The following PITPNC1 variants were observed in gnomAD, a reference collection of about 807,000 sequenced individuals.
PITPNC1 encodes cytoplasmic phosphatidylinositol transfer protein 1.
A neutral mutation model predicts 44.7 loss-of-function variants in PITPNC1; 18 were observed. That is an observed-to-expected ratio of 0.40 (90% CI 0.28 to 0.60). The LOEUF is 0.60. Among genes scored for constraint, PITPNC1 ranks in the 20% least tolerant of loss-of-function variants. PITPNC1 has a pLI of 0.39. For synonymous variants in PITPNC1, 141 were observed against 149.6 expected (o/e 0.94, Z 0.42); for missense variants, 290 against 418.4 (o/e 0.69, Z 2.68).
At chr17:67,431,285 C>T (rs540252891) in intron 1 of PITPNC1, among the ~76,000 whole-genome samples, 1 of 152,036 alleles carries the variant, frequency 6.6e-6, no homozygotes, top group Non-Finnish European at 1.5e-5. Context: ...TCTCAAACTC[C>T]TGACCTTAAG....
intron 1 of PITPNC1, among the ~76,000 whole-genome samples, chr17:67,454,293 G>A (rs1326605606): frequency 6.6e-6 from 1 of 151,700 alleles, no homozygotes; most frequent in Non-Finnish European, 1.5e-5. Context: ...AGGCTCTAGG[G>A]TAAGACTCTG....
At position 67,668,754 on chromosome 17, in the gene PITPNC1, C is replaced by T. The variant is rs541072861; in HGVS notation, c.463-754C>T. On this transcript the variant is annotated intron_variant, in intron 6 of 8. Transcript: ENST00000581322. ...GCGGGCACCTGTAGTCCCAGCTACT[C>T]GGGAGGCTAAGACAGGAGAATGGCG... 3.3e-5 allele frequency among the ~76,000 whole-genome samples: 5 copies of T among 151,706 alleles called. No homozygotes were observed. The East Asian group carries it at 9.7e-4, about 30-fold the overall frequency.
Position 67,616,749 on chromosome 17 carries a change from A to T in PITPNC1, c.367-15394A>T, listed in dbSNP as rs569161319. 2.0e-5 allele frequency among the ~76,000 whole-genome samples: 3 copies of T among 152,192 alleles called. No homozygotes were observed. In the South Asian group the frequency reaches 6.2e-4, roughly 32 times the overall value. On this transcript the variant is annotated intron_variant, in intron 5 of 8. Coordinates refer to ENST00000581322, the MANE Select transcript of PITPNC1 (RefSeq NM_012417.4). ...ACTGTGGATTCCTATCCACTTTGTT[A>T]TCCTTTTTACTCTTAGATCTCTGCC...
intron 1 of PITPNC1, among the ~76,000 whole-genome samples, chr17:67,482,451 A>G (rs771915854): frequency 3.3e-5 from 5 of 152,134 alleles, no homozygotes; most frequent in African/African-American, 1.2e-4. Flanking sequence ...AAATTTTGCA[A>G]ATCTTTTGCC....
chr17:67,386,508 T>C (rs1218953639), intron 1 of PITPNC1, among the ~76,000 whole-genome samples: 1 of 152,186 alleles, frequency 6.6e-6, no homozygotes, highest in Non-Finnish European at 1.5e-5. Context: ...TAAATTAATA[T>C]AGTTTAAACA....
chr17:67,611,594 C>G (rs1369661364), intron 5 of PITPNC1: 1 of 152,386 alleles, frequency 6.6e-6, no homozygotes, highest in Non-Finnish European at 1.5e-5. Context: ...CTGCCTCAGC[C>G]TCCCGAGTAG....
At chr17:67,509,452 G>A (rs1473980910) in intron 1 of PITPNC1, among the ~76,000 whole-genome samples, 3 of 150,746 alleles carry the variant, frequency 2.0e-5, no homozygotes, top group Non-Finnish European at 3.0e-5. Flanking sequence ...CAGAAGAATC[G>A]CTTGAACCCA....
intron 5 of PITPNC1, among the ~76,000 whole-genome samples, chr17:67,581,479 C>T (rs2041233210): frequency 6.6e-6 from 1 of 152,216 alleles, no homozygotes; most frequent in South Asian, 2.1e-4. Context: ...TCATGGCACC[C>T]AACTTGCCCA....
At chr17:67,535,149 A>G (rs554797413) in intron 2 of PITPNC1, among the ~76,000 whole-genome samples, 12 of 152,362 alleles carry the variant, frequency 7.9e-5, no homozygotes, top group Admixed American at 6.5e-4. Context: ...CCATTCATCT[A>G]TTAGTAGCTG....
intron 1 of PITPNC1, among the ~76,000 whole-genome samples, chr17:67,478,963 AG>A (rs1319406473): frequency 4.6e-5 from 7 of 151,812 alleles, no homozygotes; most frequent in Non-Finnish European, 8.8e-5. Context: ...CAGCAACCTC[AG>A]CAGTTGGTAC....
chr17:67,610,179 G>C (rs2041668961), intron 5 of PITPNC1, among the ~76,000 whole-genome samples: 1 of 152,138 alleles, frequency 6.6e-6, no homozygotes, highest in African/African-American at 2.4e-5. Flanking sequence ...GAGCTTGTTA[G>C]GATCTCAGGC....
intron 7 of PITPNC1, among the ~76,000 whole-genome samples, chr17:67,671,579 A>C (rs2042512561): frequency 6.6e-6 from 1 of 152,134 alleles, no homozygotes. Flanking sequence ...GAACCCTCAT[A>C]ACTCAGGCTC....
At position 67,517,295 on chromosome 17, in the gene PITPNC1, G is replaced by A. The variant is rs542857430; in HGVS notation, c.49-15507G>A. On this transcript the variant is annotated intron_variant, in intron 1 of 8. Transcript: ENST00000581322. ...CTTTCTTATTGCTTATGGCTTTCTT[G>A]TTGCTGTACATAACTTAAAACTATC... is the stretch of plus-strand genomic sequence containing the variant. 5.3e-5 allele frequency among the ~76,000 whole-genome samples: 8 copies of A among 152,174 alleles called. No individual in the cohort carries two copies. The East Asian group carries it at 9.6e-4, about 18-fold the overall frequency.
chr17:67,584,939 A>AC (rs1307390445), intron 5 of PITPNC1, among the ~76,000 whole-genome samples: 1 of 151,794 alleles, frequency 6.6e-6, no homozygotes, highest in Non-Finnish European at 1.5e-5. Context: ...ACATAGAGAA[A>AC]CCCCATCTGT....
At chr17:67,584,675 C>T (rs181711970) in intron 5 of PITPNC1, among the ~76,000 whole-genome samples, 38 of 152,278 alleles carry the variant, frequency 2.5e-4, no homozygotes, top group African/African-American at 7.9e-4. Flanking sequence ...GGCCACACCT[C>T]GGGATTAACT....
intron 1 of PITPNC1, among the ~76,000 whole-genome samples, chr17:67,488,453 G>A (rs2039814851): frequency 6.6e-6 from 1 of 152,214 alleles, no homozygotes; most frequent in South Asian, 2.1e-4. Flanking sequence ...GGCCTGGTGT[G>A]TGCTGTGTTT....
chr17:67,460,270 G>A (rs2039316338), intron 1 of PITPNC1, among the ~76,000 whole-genome samples: 1 of 152,150 alleles, frequency 6.6e-6, no homozygotes, highest in East Asian at 1.9e-4. Flanking sequence ...GCATCAGGGT[G>A]TTCTCCCAGC....
intron 1 of PITPNC1, among the ~76,000 whole-genome samples, chr17:67,463,017 T>G (rs1419273895): frequency 6.6e-6 from 1 of 152,272 alleles, no homozygotes; most frequent in Admixed American, 6.5e-5. Context: ...TGGAAATTTT[T>G]TAAAAACAAA....
chr17:67,484,764 C>T (rs1421563022), intron 1 of PITPNC1, among the ~76,000 whole-genome samples: 2 of 152,022 alleles, frequency 1.3e-5, no homozygotes, highest in Admixed American at 1.3e-4. Flanking sequence ...ATGGTGAAAC[C>T]TAGACTCTAC....
Sources: allele counts gnomAD v4.1 joint callset (sites outside exome capture counted in the v4.1 genomes callset), GRCh38; gene constraint gnomAD v4.1.1; transcripts MANE v1.5; gene names NCBI Gene and HGNC (gene_info 2026-07-23, HGNC 2026-07-21).